The following SEZ6L variants were observed in gnomAD, a reference collection of about 807,000 sequenced individuals.
The protein encoded by SEZ6L is seizure related 6 homolog like, also known as seizure 6-like protein.
In SEZ6L, 37 loss-of-function variants were observed where a neutral mutation model predicts 106.2. The ratio of observed to expected loss-of-function variants is 0.35; its 90% CI spans 0.27 to 0.46. SEZ6L has a LOEUF of 0.46. SEZ6L is among the 20% of genes least tolerant of loss of function. The probability of loss-of-function intolerance (pLI) is 1.00; values close to 1 mark genes in which losing one functional copy is unlikely to be tolerated. For missense variants in SEZ6L, 1,172 were observed against 1,332.8 expected (o/e 0.88, Z 1.88); for synonymous variants, 541 against 570.4 (o/e 0.95, Z 0.73).
At chr22:26,235,864 G>T (rs1001677237) in intron 1 of SEZ6L, among the ~76,000 whole-genome samples, 2 of 152,112 alleles carry the variant, frequency 1.3e-5, no homozygotes, top group Admixed American at 1.3e-4. Flanking sequence ...AATTCCAAGC[G>T]GAAAAAGAAG....
chr22:26,293,578 C>T (rs1307809674), intron 2 of SEZ6L, among the ~76,000 whole-genome samples: 1 of 152,192 alleles, frequency 6.6e-6, no homozygotes, highest in Non-Finnish European at 1.5e-5. Context: ...CCTCCCACCT[C>T]AGCCTCCCAA....
chr22:26,300,600 T>A (rs2081425193), intron 5 of SEZ6L, among the ~76,000 whole-genome samples: 1 of 152,242 alleles, frequency 6.6e-6, no homozygotes, highest in South Asian at 2.1e-4. Context: ...TTGTGAATAG[T>A]GCTGCAGTAA....
chr22:26,327,254 C>T (rs1294293171), intron 9 of SEZ6L, among the ~76,000 whole-genome samples: 4 of 146,250 alleles, frequency 2.7e-5, no homozygotes, highest in African/African-American at 7.6e-5. Context: ...ACACACCACA[C>T]ACCCTCACAC....
At chr22:26,356,272 C>A (rs574258316) in intron 12 of SEZ6L, among the ~76,000 whole-genome samples, 23 of 152,316 alleles carry the variant, frequency 1.5e-4, no homozygotes, top group Non-Finnish European at 5.9e-5. Flanking sequence ...GTAGTTATCT[C>A]TTCACAGCAT....
intron 1 of SEZ6L, among the ~76,000 whole-genome samples, chr22:26,227,554 C>A (rs1411868020): frequency 6.6e-6 from 1 of 151,732 alleles, no homozygotes; most frequent in Non-Finnish European, 1.5e-5. Flanking sequence ...GGGCTACAGG[C>A]ATACGCCATC....
At chr22:26,187,115 G>T (rs1939835248) in intron 1 of SEZ6L, among the ~76,000 whole-genome samples, 1 of 152,174 alleles carries the variant, frequency 6.6e-6, no homozygotes, top group South Asian at 2.1e-4. Flanking sequence ...CCTGAGACTG[G>T]TTAAATTATA....
At chr22:26,312,358 AGT>A (rs1047973085) in intron 8 of SEZ6L, among the ~76,000 whole-genome samples, 2 of 152,226 alleles carry the variant, frequency 1.3e-5, no homozygotes, top group African/African-American at 4.8e-5. Flanking sequence ...CTTTGCTAAG[AGT>A]GTGTGTGCAT....
chr22:26,311,923 C>A lies in SEZ6L; in HGVS notation c.1837C>A (p.Arg613=). 6.2e-7 allele frequency: 1 copy of A among 1,613,990 alleles called. No homozygotes were observed. The highest frequency in any genetic ancestry group is 1.1e-5 in the South Asian group (1 of 91,070). ...GPAIIECINV[R]DPYWNDTEPL... is the part of the protein sequence containing the mutation. ...GGCCATCATCGAATGCATCAATGTG[C>A]GGGACCCATACTGGAATGACACAGA... Residue 613 remains arginine, a synonymous_variant, in exon 8 of 17, where the codon CGG becomes AGG. Transcript: ENST00000248933.
At position 26,281,889 on chromosome 22, in the gene SEZ6L, G is replaced by A. The variant is rs923492622; in HGVS notation, c.95-10517G>A. Among the ~76,000 whole-genome samples the A allele has an allele frequency of 4.6e-5, 7 of 152,072 alleles. No homozygotes were observed. In the East Asian group the frequency reaches 5.8e-4, roughly 13 times the overall value. On this transcript the variant is annotated intron_variant, in intron 1 of 16. Transcript: ENST00000248933. ...ACCACATCTTACTTTTTAACATTAC[G>A]GAATCCTTGGTCATCTCTCCTCTTC...
rs199641007 is a variant in SEZ6L, at chr22:26,369,341, C to CTTTTTTTT, written c.2794+3779_2794+3780insTTTTTTTT. 2.1e-3 allele frequency among the ~76,000 whole-genome samples: 215 copies of CTTTTTTTT among 103,584 alleles called. 37 individuals are homozygous for CTTTTTTTT. The highest frequency in any genetic ancestry group is 0.015 in the East Asian group (35 of 2,278). 68.0% of individuals were successfully genotyped at this position (103,584 alleles called of 152,430 possible). On this transcript the variant is annotated intron_variant, in intron 13 of 16. Coordinates refer to ENST00000248933, the MANE Select transcript of SEZ6L (RefSeq NM_021115.5). ...ATGACAATGACTTATATAAGCAGTT[C>CTTTTTTTT]TTTTGTTTTTTTTTTTGAGACAGAT...
intron 1 of SEZ6L, among the ~76,000 whole-genome samples, chr22:26,235,287 A>G (rs1446684719): frequency 6.6e-6 from 1 of 152,218 alleles, no homozygotes; most frequent in Non-Finnish European, 1.5e-5. Flanking sequence ...CCAAGCAAAC[A>G]TGTCCCTCTG....
intron 13 of SEZ6L, 131 bp downstream of exon 13, chr22:26,365,697 A>AC (rs34843110): frequency 5.6e-6 from 4 of 716,086 alleles, no homozygotes; most frequent in Admixed American, 6.1e-5. Context: ...ACATAGTGAG[A>AC]CCCCCATCTC....
intron 1 of SEZ6L, among the ~76,000 whole-genome samples, chr22:26,289,702 T>A (rs1221521173): frequency 1.3e-5 from 2 of 152,200 alleles, no homozygotes; most frequent in Non-Finnish European, 2.9e-5. Flanking sequence ...AGTTGCAAAC[T>A]GTTGCAGTCT....
chr22:26,185,687 T>A (rs1158324285), intron 1 of SEZ6L, among the ~76,000 whole-genome samples: 1 of 152,182 alleles, frequency 6.6e-6, no homozygotes, highest in East Asian at 1.9e-4. Flanking sequence ...ACCATTTATA[T>A]GCCAGGCATA....
rs1370212620 is a variant in SEZ6L at position 26,311,780 on chromosome 22, G to C, written c.1694G>C (p.Gly565Ala). 5.6e-6 allele frequency: 9 copies of C among 1,613,996 alleles called. No homozygotes were observed. Among genetic ancestry groups the C allele is most frequent in the Non-Finnish European group, 7.6e-6 (9 of 1,179,904 alleles). The change falls in exon 8 of 17, where the codon GGC becomes GCC. Residue 565 changes from glycine (G) to alanine (A), a missense_variant. Gly to Ala is a moderately conservative substitution (Grantham distance 60, BLOSUM62 0). This residue lies in a region of SEZ6L where 534 missense variants were observed against 691.0 expected (regional missense o/e 0.77). Coordinates refer to ENST00000248933, the MANE Select transcript of SEZ6L (RefSeq NM_021115.5). ...FNIRFEAFEK[G>A]HCYEPYIQNG... ...TTCCCTTCCTCAGCGTTTGAGAAAGGCCACTGCTATGAGCCCTACATCCAG... is the reference window on the plus strand; with the variant it reads ...TTCCCTTCCTCAGCGTTTGAGAAAGCCCACTGCTATGAGCCCTACATCCAG...
intron 14 of SEZ6L, 78 bp from the exon 15 acceptor site, chr22:26,375,497 G>T (rs561441543): frequency 6.1e-4 from 702 of 1,156,074 alleles, no homozygotes; most frequent in Non-Finnish European, 7.6e-4. Flanking sequence ...CTCCAAAGGG[G>T]TGGAGAACTG....
intron 1 of SEZ6L, among the ~76,000 whole-genome samples, chr22:26,252,581 C>T (rs572497758): frequency 6.6e-6 from 1 of 152,340 alleles, no homozygotes; most frequent in East Asian, 1.9e-4. Flanking sequence ...CCTCACTCCT[C>T]CCTCTAGTAG....
At chr22:26,231,495 TG>T (rs1041793735) in intron 1 of SEZ6L, among the ~76,000 whole-genome samples, 23 of 152,210 alleles carry the variant, frequency 1.5e-4, no homozygotes, top group Admixed American at 5.9e-4. Flanking sequence ...CAGAGTTTTC[TG>T]TTTGGAAGGG....
chr22:26,260,327 C>A (rs2079959733), intron 1 of SEZ6L, among the ~76,000 whole-genome samples: 1 of 152,120 alleles, frequency 6.6e-6, no homozygotes, highest in Admixed American at 6.6e-5. Context: ...TCTATGGTAT[C>A]ATTCTTATGC....
Sources: allele counts gnomAD v4.1 joint callset (sites outside exome capture counted in the v4.1 genomes callset), GRCh38; gene constraint gnomAD v4.1.1; regional missense constraint gnomAD v4.1.1; transcripts MANE v1.5; gene names NCBI Gene and HGNC (gene_info 2026-07-23, HGNC 2026-07-21).